The following PHLPP1 variants were observed in gnomAD, a reference collection of about 807,000 sequenced individuals.
The protein encoded by PHLPP1 is PH domain leucine-rich repeat-containing protein phosphatase 1.
A neutral mutation model predicts 117.2 loss-of-function variants in PHLPP1; 42 were observed. That is an observed-to-expected ratio of 0.36 (90% CI 0.28 to 0.46). The LOEUF (loss-of-function observed/expected upper bound fraction) is 0.46. PHLPP1 is among the 20% of genes least tolerant of loss of function. The probability of loss-of-function intolerance (pLI) is 1.00; values close to 1 mark genes in which losing one functional copy is unlikely to be tolerated. For missense variants in PHLPP1, 2,084 were observed against 2,241.9 expected (o/e 0.93, Z 1.42); for synonymous variants, 1,042 against 970.7 (o/e 1.07, Z -1.37).
intron 1 of PHLPP1, among the ~76,000 whole-genome samples, chr18:62,828,153 T>G (rs1914660673): frequency 6.6e-6 from 1 of 152,118 alleles, no homozygotes. Context: ...CTTTTCATTT[T>G]TATTATTCTT....
At chr18:62,921,356 A>T (rs760452403) in intron 10 of PHLPP1, among the ~76,000 whole-genome samples, 20 of 152,218 alleles carry the variant, frequency 1.3e-4, no homozygotes, top group Admixed American at 3.9e-4. Flanking sequence ...TTACAAAATA[A>T]ATGTTAGCTA....
chr18:62,849,832 A>AAAAAAATATATATATATATATAT (rs1555677083), intron 3 of PHLPP1, among the ~76,000 whole-genome samples: 1 of 33,082 alleles, frequency 3.0e-5, no homozygotes. Flanking sequence ...AAAAAAAAAA[A>AAAAAAATATATATATATATATAT]ATATATATAT....
At chr18:62,919,077 ATAAAT>A (rs915683029) in intron 9 of PHLPP1, among the ~76,000 whole-genome samples, 9 of 152,228 alleles carry the variant, frequency 5.9e-5, no homozygotes, top group Admixed American at 5.2e-4. Flanking sequence ...CAGCAGATTA[ATAAAT>A]TAATTTATTA....
chr18:62,950,241 A>C (rs1473097379), intron 12 of PHLPP1, among the ~76,000 whole-genome samples: 1 of 152,240 alleles, frequency 6.6e-6, no homozygotes, highest in Non-Finnish European at 1.5e-5. Flanking sequence ...TGCAGTAATA[A>C]ACTACTTGGC....
At chr18:62,721,977 A>G (rs1168424938) in intron 1 of PHLPP1, among the ~76,000 whole-genome samples, 4 of 152,134 alleles carry the variant, frequency 2.6e-5, no homozygotes, top group Non-Finnish European at 4.4e-5. Flanking sequence ...TTAGTTTAAC[A>G]TTTGTTGAAT....
intron 10 of PHLPP1, among the ~76,000 whole-genome samples, chr18:62,932,467 C>T (rs970422492): frequency 2.0e-5 from 3 of 152,134 alleles, no homozygotes; most frequent in African/African-American, 4.8e-5. Flanking sequence ...GTTCAATAAA[C>T]ACAAATCAAT....
In PHLPP1 at chr18:62,715,631, C is replaced by T. The variant is rs1910691623; in HGVS notation, c.-53C>T. 2.5e-6 allele frequency: 3 copies of T among 1,201,962 alleles called. No individual in the cohort carries two copies. The highest frequency in any genetic ancestry group is 3.1e-6 in the Non-Finnish European group (3 of 953,662). The allele number at this position is 1,201,962 out of a possible 1,614,324, so 74.5% of individuals were successfully genotyped here. ...TCTCCCACCTCCGCCTCATCGCCTC[C>T]CTCTCCGCCCGCTGCCTCCGGAGCT... is the stretch of plus-strand genomic sequence containing the variant. On this transcript the variant is annotated 5_prime_UTR_variant, in exon 1 of 17. Transcript: ENST00000262719.
chr18:62,802,978 T>C (rs1484194360), intron 1 of PHLPP1, among the ~76,000 whole-genome samples: 1 of 152,182 alleles, frequency 6.6e-6, no homozygotes, highest in Admixed American at 6.5e-5. Flanking sequence ...TAAAGGTAAG[T>C]GGCAGAAGAT....
chr18:62,951,241 A>G (rs898222012), intron 12 of PHLPP1, among the ~76,000 whole-genome samples: 6 of 152,098 alleles, frequency 3.9e-5, no homozygotes, highest in African/African-American at 1.4e-4. Context: ...TCGTCCTCCC[A>G]AAGTGCTGGG....
intron 5 of PHLPP1, 107 bp from the exon 6 acceptor site, chr18:62,895,674 T>C: frequency 1.4e-6 from 1 of 737,664 alleles, no homozygotes; most frequent in Non-Finnish European, 2.3e-6. Flanking sequence ...TTGCGAAGAA[T>C]AATACATTTT....
At position 62,715,975 on chromosome 18, in the gene PHLPP1, G is replaced by T; in HGVS notation, c.292G>T (p.Ala98Ser). 1.6e-6 allele frequency: 2 copies of T among 1,228,494 alleles called. No individual in the cohort carries two copies. The highest frequency in any genetic ancestry group is 2.0e-6 in the Non-Finnish European group (2 of 985,608). The allele number at this position is 1,228,494 out of a possible 1,614,324, so 76.1% of individuals were successfully genotyped here. ...GGAGRRRRRGAPQPIAGGAAP... is the reference protein window; with the variant it reads ...GGAGRRRRRGSPQPIAGGAAP... ...TGCCGGGCGCAGGAGGCGGCGCGGG[G>T]CGCCCCAGCCCATTGCCGGCGGGGC... is the stretch of plus-strand genomic sequence containing the variant. The change falls in exon 1 of 17, where the codon GCG becomes TCG. Residue 98 changes from alanine to serine, a missense_variant. This residue lies in a region of PHLPP1 where 719 missense variants were observed against 636.0 expected (regional missense o/e 1.13). Transcript: ENST00000262719.
At chr18:62,748,130 C>G (rs1911732594) in intron 1 of PHLPP1, among the ~76,000 whole-genome samples, 1 of 152,136 alleles carries the variant, frequency 6.6e-6, no homozygotes, top group African/African-American at 2.4e-5. Context: ...ATTCACAGTA[C>G]TATATACATG....
chr18:62,942,007 G>A, intron 11 of PHLPP1, 89 bp downstream of exon 11: 1 of 1,034,620 alleles, frequency 9.7e-7, no homozygotes, highest in African/African-American at 1.6e-5. Context: ...TATTTCCCAG[G>A]TGATGTCAAG....
chr18:62,967,608 A>G (rs1568177304), intron 14 of PHLPP1, among the ~76,000 whole-genome samples: 2 of 151,968 alleles, frequency 1.3e-5, no homozygotes, highest in South Asian at 4.2e-4. Context: ...ATTCTCTTCT[A>G]TATCTAGTTT....
intron 4 of PHLPP1, among the ~76,000 whole-genome samples, chr18:62,884,497 A>C (rs1599101577): frequency 6.6e-6 from 1 of 152,266 alleles, no homozygotes; most frequent in African/African-American, 2.4e-5. Flanking sequence ...ACTCCCCACT[A>C]AGGCAGAGCC....
chr18:62,752,577 A>T (rs1911893231), intron 1 of PHLPP1, among the ~76,000 whole-genome samples: 1 of 152,214 alleles, frequency 6.6e-6, no homozygotes, highest in Non-Finnish European at 1.5e-5. Flanking sequence ...ATAGATAAAG[A>T]TGAGTGTAGA....
chr18:62,852,464 C>T (rs925667562), intron 3 of PHLPP1, among the ~76,000 whole-genome samples: 4 of 152,174 alleles, frequency 2.6e-5, no homozygotes, highest in Non-Finnish European at 5.9e-5. Context: ...CTGCCTCAGC[C>T]TCCCGAGTAG....
chr18:62,946,494 T>A (rs1321323149), intron 12 of PHLPP1, among the ~76,000 whole-genome samples: 1 of 151,976 alleles, frequency 6.6e-6, no homozygotes, highest in African/African-American at 2.4e-5. Flanking sequence ...CTTGAACTCC[T>A]GACCTCAAGG....
chr18:62,931,990 A>C (rs1165067657), intron 10 of PHLPP1, among the ~76,000 whole-genome samples: 1 of 152,112 alleles, frequency 6.6e-6, no homozygotes, highest in African/African-American at 2.4e-5. Flanking sequence ...TACTGCAAAT[A>C]TCTCTACACA....
Sources: allele counts gnomAD v4.1 joint callset (sites outside exome capture counted in the v4.1 genomes callset), GRCh38; gene constraint gnomAD v4.1.1; regional missense constraint gnomAD v4.1.1; transcripts MANE v1.5; gene names NCBI Gene and HGNC (gene_info 2026-07-23, HGNC 2026-07-21).